TENM4: variants seen among roughly 807,000 people sequenced by gnomAD.
TENM4 encodes the protein teneurin transmembrane protein 4.
TENM4 carries 82 observed loss-of-function variants against 243.3 expected under a neutral mutation model. The observed-to-expected ratio is 0.34, with a 90% confidence interval of 0.28 to 0.40. The LOEUF (loss-of-function observed/expected upper bound fraction) is 0.40, where lower values mean the gene tolerates loss of function less well. Ranked by LOEUF, TENM4 falls within the 10% of genes least tolerant of loss-of-function variation. TENM4 has a pLI of 1.00. For missense variants in TENM4, 3,138 were observed against 3,673.3 expected, an observed-to-expected ratio of 0.85 and a Z score of 3.77; for synonymous variants, 1,412 against 1,456.3, an observed-to-expected ratio of 0.97 and a Z score of 0.69.
chr11:79,357,087 C>G (rs1040557861), intron 1 of TENM4, among the ~76,000 whole-genome samples: 2 of 152,132 alleles, frequency 1.3e-5, no homozygotes, highest in Non-Finnish European at 2.9e-5. Flanking sequence ...GGCTAGGAGA[C>G]AGAGCAAATG....
intron 12 of TENM4, among the ~76,000 whole-genome samples, chr11:78,838,662 T>C (rs1389681365): frequency 6.6e-6 from 1 of 152,126 alleles, no homozygotes; most frequent in African/African-American, 2.4e-5. Context: ...GCAGGCCAGG[T>C]ACATGTAAGA....
chr11:78,705,449 A>G (rs1334270104), intron 27 of TENM4, among the ~76,000 whole-genome samples: 3 of 152,212 alleles, frequency 2.0e-5, no homozygotes, highest in Non-Finnish European at 4.4e-5. Context: ...CCTGCACCAG[A>G]CCAACTACCT....
At chr11:78,969,563 A>G (rs562501370) in intron 6 of TENM4, among the ~76,000 whole-genome samples, 2 of 152,354 alleles carry the variant, frequency 1.3e-5, no homozygotes, top group African/African-American at 4.8e-5. Flanking sequence ...AACAAAATAT[A>G]CTTTTTAACA....
At chr11:78,814,045 C>T (rs569360816) in intron 13 of TENM4, among the ~76,000 whole-genome samples, 10 of 152,254 alleles carry the variant, frequency 6.6e-5, no homozygotes, top group African/African-American at 2.4e-4. Context: ...TTCACTGTGG[C>T]CACCCCACAG....
At chr11:78,861,596 T>C (rs1376499892) in intron 10 of TENM4, among the ~76,000 whole-genome samples, 2 of 152,186 alleles carry the variant, frequency 1.3e-5, no homozygotes. Context: ...TGTGTGGAAA[T>C]GATCTCAGTT....
intron 12 of TENM4, among the ~76,000 whole-genome samples, chr11:78,831,156 C>A (rs1252739595): frequency 6.6e-6 from 1 of 152,216 alleles, no homozygotes; most frequent in Non-Finnish European, 1.5e-5. Flanking sequence ...CGAAACCCTA[C>A]TATGTGCCAT....
At chr11:79,107,178 A>G (rs779951987) in intron 4 of TENM4, among the ~76,000 whole-genome samples, 1 of 152,204 alleles carries the variant, frequency 6.6e-6, no homozygotes. Flanking sequence ...TCCAGGCAGC[A>G]TGGCTACAGG....
chr11:78,928,773 C>G (rs771691752), intron 6 of TENM4, among the ~76,000 whole-genome samples: 1 of 152,054 alleles, frequency 6.6e-6, no homozygotes. Context: ...TTGGGTGGAG[C>G]AGGCTTTAAA....
chr11:79,423,088 C>T (rs376432399), intron 1 of TENM4, among the ~76,000 whole-genome samples: 6 of 152,084 alleles, frequency 3.9e-5, no homozygotes, highest in African/African-American at 1.4e-4. Flanking sequence ...AAACCCAATC[C>T]CCCAAGGAGT....
At chr11:78,930,274 G>A (rs1441515492) in intron 6 of TENM4, among the ~76,000 whole-genome samples, 3 of 152,176 alleles carry the variant, frequency 2.0e-5, no homozygotes, top group Non-Finnish European at 4.4e-5. Context: ...GAAAGGAAGA[G>A]AAGCTAACTG....
At chr11:78,743,759 A>G (rs987283389) in intron 19 of TENM4, among the ~76,000 whole-genome samples, 1 of 152,178 alleles carries the variant, frequency 6.6e-6, no homozygotes, top group African/African-American at 2.4e-5. Context: ...TAGATTGATT[A>G]TTCAATGTAT....
At chr11:79,228,268 G>A (rs1376117076) in intron 2 of TENM4, among the ~76,000 whole-genome samples, 1 of 152,140 alleles carries the variant, frequency 6.6e-6, no homozygotes, top group African/African-American at 2.4e-5. Context: ...AGGGGACTCT[G>A]GAATCCCAGA....
At chr11:78,999,926 C>T (rs1043787743) in intron 6 of TENM4, among the ~76,000 whole-genome samples, 5 of 152,104 alleles carry the variant, frequency 3.3e-5, no homozygotes, top group Non-Finnish European at 7.4e-5. Context: ...GCAAAATGAA[C>T]CCCTAGCAAG....
chr11:79,119,561 C>T (rs1861696446), intron 4 of TENM4, among the ~76,000 whole-genome samples: 2 of 152,218 alleles, frequency 1.3e-5, no homozygotes, highest in Non-Finnish European at 2.9e-5. Context: ...ATCATCAAGG[C>T]ATCAGCCAGG....
intron 9 of TENM4, among the ~76,000 whole-genome samples, chr11:78,889,451 A>G (rs929244695): frequency 6.6e-6 from 1 of 152,184 alleles, no homozygotes; most frequent in African/African-American, 2.4e-5. Flanking sequence ...TATTGACTCA[A>G]TCCATGACAC....
chr11:79,286,650 C>A (rs890998160), intron 2 of TENM4, among the ~76,000 whole-genome samples: 1 of 151,808 alleles, frequency 6.6e-6, no homozygotes, highest in African/African-American at 2.4e-5. Context: ...GCCTGGGCAA[C>A]AAGAGCGAAA....
At chr11:79,294,187 C>T (rs1590858080) in intron 2 of TENM4, among the ~76,000 whole-genome samples, 1 of 152,192 alleles carries the variant, frequency 6.6e-6, no homozygotes, top group African/African-American at 2.4e-5. Flanking sequence ...GACATCATTA[C>T]TACTACTACT....
intron 4 of TENM4, among the ~76,000 whole-genome samples, chr11:79,106,281 A>G: frequency 6.6e-6 from 1 of 152,222 alleles, no homozygotes. Flanking sequence ...ATAGCTGGGT[A>G]ATGATGCTTT....
intron 2 of TENM4, among the ~76,000 whole-genome samples, chr11:79,258,054 A>G (rs1256158148): frequency 6.6e-6 from 1 of 152,246 alleles, no homozygotes; most frequent in East Asian, 1.9e-4. Flanking sequence ...TTGGGTGGAA[A>G]ACTTGGTGTT....
Sources: allele counts gnomAD v4.1 joint callset (sites outside exome capture counted in the v4.1 genomes callset), GRCh38; gene constraint gnomAD v4.1.1; transcripts MANE v1.5; gene names NCBI Gene and HGNC (gene_info 2026-07-23, HGNC 2026-07-21).